SMYD3: variants seen among roughly 807,000 people sequenced by gnomAD.
The protein encoded by SMYD3 is SET and MYND domain containing 3.
SMYD3 carries 36 observed loss-of-function variants against 57.7 expected under a neutral mutation model. The ratio of observed to expected loss-of-function variants is 0.62; its 90% CI spans 0.48 to 0.82. The LOEUF is 0.82. SMYD3 is among the 40% of genes least tolerant of loss of function. The pLI is 0.00. For missense variants in SMYD3, 515 were observed against 538.8 expected, an observed-to-expected ratio of 0.96 and a Z score of 0.44; for synonymous variants, 211 against 195.0, an observed-to-expected ratio of 1.08 and a Z score of -0.68.
intron 5 of SMYD3, among the ~76,000 whole-genome samples, chr1:246,055,679 G>A (rs1367182906): frequency 6.6e-6 from 1 of 152,128 alleles, no homozygotes; most frequent in Non-Finnish European, 1.5e-5. Flanking sequence ...GCCTTAAAAA[G>A]GAAGGGAATT....
chr1:246,268,348 C>T (rs1225140770), intron 5 of SMYD3, among the ~76,000 whole-genome samples: 1 of 152,144 alleles, frequency 6.6e-6, no homozygotes, highest in Non-Finnish European at 1.5e-5. Flanking sequence ...CAGGAAGTTA[C>T]CCTATATGAT....
intron 10 of SMYD3, among the ~76,000 whole-genome samples, chr1:245,773,376 G>A (rs1349613157): frequency 6.6e-6 from 1 of 152,186 alleles, no homozygotes; most frequent in African/African-American, 2.4e-5. Context: ...AACACACTGA[G>A]AAACTCTTGC....
chr1:245,769,686 TG>T (rs1295306452), intron 10 of SMYD3, among the ~76,000 whole-genome samples: 1 of 152,196 alleles, frequency 6.6e-6, no homozygotes, highest in African/African-American at 2.4e-5. Flanking sequence ...GCATTGCGCA[TG>T]GAAGAAAAAA....
At chr1:246,335,268 G>T in intron 3 of SMYD3, 99 bp downstream of exon 3, 1 of 1,088,054 alleles carries the variant, frequency 9.2e-7, no homozygotes, top group Non-Finnish European at 1.4e-6. Flanking sequence ...GTGGTAGTCT[G>T]AAACTGAACC....
chr1:246,147,006 C>G (rs1056568337), intron 5 of SMYD3, among the ~76,000 whole-genome samples: 1 of 152,080 alleles, frequency 6.6e-6, no homozygotes, highest in Non-Finnish European at 1.5e-5. Flanking sequence ...TGACAGTGTT[C>G]GGCAGAGGAC....
intron 5 of SMYD3, among the ~76,000 whole-genome samples, chr1:245,990,770 G>T (rs919626206): frequency 1.3e-5 from 2 of 152,214 alleles, no homozygotes; most frequent in Non-Finnish European, 2.9e-5. Context: ...TTTTAGTCCA[G>T]TGGGACTCAT....
In SMYD3 at chr1:246,002,503, A is replaced by G. The variant is rs111358072; in HGVS notation, c.532-72566T>C. On this transcript the variant is annotated intron_variant, in intron 5 of 11. Transcript: ENST00000490107. ...CCGGCTAATTTTTTGTATTTTTAGTAGAGACGGGGTTTCACCATGTTAGCC... is the reference window on the plus strand; with the variant it reads ...CCGGCTAATTTTTTGTATTTTTAGTGGAGACGGGGTTTCACCATGTTAGCC... Among the ~76,000 whole-genome samples the G allele has an allele frequency of 5.2e-3, 254 of 49,212 alleles. 24 individuals are homozygous for G. Among genetic ancestry groups the G allele is most frequent in the East Asian group, 7.8e-3 (10 of 1,290 alleles). 32.3% of individuals were successfully genotyped at this position (49,212 alleles called of 152,430 possible).
intron 1 of SMYD3, among the ~76,000 whole-genome samples, chr1:246,413,023 A>G (rs778655568): frequency 1.3e-5 from 2 of 152,180 alleles, no homozygotes; most frequent in Non-Finnish European, 2.9e-5. Context: ...CAGTTTGCTC[A>G]AGGTCATGTA....
intron 10 of SMYD3, among the ~76,000 whole-genome samples, chr1:245,778,716 C>T (rs1482608372): frequency 2.0e-5 from 3 of 151,896 alleles, no homozygotes; most frequent in Non-Finnish European, 2.9e-5. Context: ...AATACAAACT[C>T]GTAAAAATTT....
At chr1:246,193,332 T>C (rs1017277594) in intron 5 of SMYD3, among the ~76,000 whole-genome samples, 1 of 151,358 alleles carries the variant, frequency 6.6e-6, no homozygotes, top group African/African-American at 2.4e-5. Flanking sequence ...GAAATAGAAA[T>C]AGTTCGATGA....
chr1:246,451,779 T>C (rs900882077), intron 1 of SMYD3, among the ~76,000 whole-genome samples: 1 of 152,272 alleles, frequency 6.6e-6, no homozygotes, highest in Non-Finnish European at 1.5e-5. Flanking sequence ...AATTTTGCTA[T>C]GTAGTTAAAA....
At chr1:245,863,926 TAATA>T (rs1359061592) in intron 8 of SMYD3, 40 bp from the exon 9 acceptor site, 1 of 1,586,566 alleles carries the variant, frequency 6.3e-7, no homozygotes, top group Non-Finnish European at 8.7e-7. Flanking sequence ...ATCTAATTAG[TAATA>T]GGCAAAGGAC....
intron 5 of SMYD3, among the ~76,000 whole-genome samples, chr1:246,279,537 A>T (rs2064403539): frequency 6.6e-6 from 1 of 151,498 alleles, no homozygotes; most frequent in African/African-American, 2.4e-5. Context: ...AAACAAAAAC[A>T]AAAAAAAAGA....
chr1:246,383,398 G>C (rs1204014155), intron 1 of SMYD3, among the ~76,000 whole-genome samples: 2 of 152,174 alleles, frequency 1.3e-5, no homozygotes, highest in South Asian at 2.1e-4. Flanking sequence ...CTTCATTTGA[G>C]AGACTGACTC....
chr1:246,008,067 C>T (rs538325531), intron 5 of SMYD3, among the ~76,000 whole-genome samples: 61 of 152,192 alleles, frequency 4.0e-4, no homozygotes, highest in Admixed American at 7.9e-4. Flanking sequence ...TACTGTCCTA[C>T]GAAGACAGCC....
chr1:245,756,136 A>C (rs928411367), intron 11 of SMYD3, among the ~76,000 whole-genome samples: 8 of 148,616 alleles, frequency 5.4e-5, no homozygotes, highest in African/African-American at 2.0e-4. Context: ...ATATATGTAT[A>C]TATAACTTGT....
chr1:245,911,192 T>A (rs775856814), intron 8 of SMYD3, among the ~76,000 whole-genome samples: 22 of 152,062 alleles, frequency 1.4e-4, no homozygotes, highest in Non-Finnish European at 3.1e-4. Flanking sequence ...TTAAAATGGC[T>A]ACTATAAAAA....
intron 5 of SMYD3, among the ~76,000 whole-genome samples, chr1:246,033,798 T>C (rs1256610015): frequency 6.6e-6 from 1 of 152,038 alleles, no homozygotes; most frequent in East Asian, 1.9e-4. Flanking sequence ...AAAAAATTAA[T>C]TAATTAATTA....
In SMYD3 at chr1:246,355,221, C is replaced by G; in HGVS notation, c.165-127G>C. ...CTGTTTACTCCATTATGTACAGTCC[C>G]TTAAGATTTGGATTTTCACACTGAT... On this transcript the variant is annotated intron_variant, in intron 1 of 11. Coordinates refer to ENST00000490107, the MANE Select transcript of SMYD3 (RefSeq NM_001167740.2). The surrounding 1 kb of genome is among the most constrained non-coding windows in gnomAD (Gnocchi z 5.0). 1.1e-6 allele frequency: 1 copy of G among 880,524 alleles called. No homozygotes were observed. Among genetic ancestry groups the G allele is most frequent in the Non-Finnish European group, 1.8e-6 (1 of 567,208 alleles). 54.5% of individuals were successfully genotyped at this position (880,524 alleles called of 1,614,324 possible).
Sources: gnomAD v4.1 joint callset for allele counts (sites outside exome capture counted in the v4.1 genomes callset) on GRCh38, gnomAD v4.1.1 for gene constraint, Gnocchi (gnomAD v3.1) non-coding constraint, MANE v1.5 for transcripts, NCBI Gene and HGNC (gene_info 2026-07-23, HGNC 2026-07-21) for gene names.